The following DYDC1 variants were observed in gnomAD, a reference collection of about 807,000 sequenced individuals.
DYDC1 encodes the protein DPY30 domain-containing protein 1.
DYDC1 carries 21 observed loss-of-function variants against 27.9 expected under a neutral mutation model. The observed-to-expected ratio is 0.75, with a 90% CI of 0.53 to 1.08. The LOEUF (loss-of-function observed/expected upper bound fraction) is 1.08. Among genes scored for constraint, DYDC1 ranks in the 50% least tolerant of loss-of-function variants. The pLI is 0.00. For synonymous variants in DYDC1, 67 were observed against 65.8 expected, an observed-to-expected ratio of 1.02 and a Z score of -0.09; for missense variants, 202 against 205.9, an observed-to-expected ratio of 0.98 and a Z score of 0.12.
intron 3 of DYDC1, 147 bp from the exon 4 acceptor site, chr10:80,342,508 T>A (rs1842369106): frequency 1.6e-6 from 1 of 644,194 alleles, no homozygotes; most frequent in Non-Finnish European, 2.4e-6. Flanking sequence ...AGCATAAAAT[T>A]TTTAAAAAAG....
At chr10:80,350,793 GCT>G (rs1189173340) in intron 3 of DYDC1, among the ~76,000 whole-genome samples, 1 of 152,100 alleles carries the variant, frequency 6.6e-6, no homozygotes, top group East Asian at 1.9e-4. Context: ...TAGCTTAGAA[GCT>G]CTCTATAAAT....
intron 1 of DYDC1, chr10:80,352,817 G>A: frequency 1.5e-5 from 7 of 466,168 alleles, no homozygotes; most frequent in Non-Finnish European, 2.4e-5. Flanking sequence ...AACTAACATG[G>A]TTTCAAAATC....
intron 6 of DYDC1, chr10:80,337,063 C>G (rs1277513652): frequency 1.1e-6 from 1 of 946,722 alleles, no homozygotes; most frequent in African/African-American, 1.8e-5. Context: ...CTTAAAATCA[C>G]ACCATTTTCC....
intron 4 of DYDC1, 125 bp downstream of exon 4, chr10:80,342,144 C>G: frequency 1.2e-6 from 1 of 841,578 alleles, no homozygotes; most frequent in South Asian, 1.7e-5. Context: ...TTAGCTTACA[C>G]AGCTAGTATG....
chr10:80,342,655 T>C (rs1014988203), intron 3 of DYDC1, among the ~76,000 whole-genome samples: 1 of 152,166 alleles, frequency 6.6e-6, no homozygotes, highest in Non-Finnish European at 1.5e-5. Context: ...GGTCTTCAAA[T>C]AGCCACACAC....
chr10:80,336,984 C>T, intron 6 of DYDC1: 2 of 286,448 alleles, frequency 7.0e-6, no homozygotes, highest in Non-Finnish European at 1.0e-5. Context: ...ACTCCTACTG[C>T]ACTTAAGTCC....
chr10:80,336,060 G>T (rs1842124611), downstream of DYDC1: 2 of 773,758 alleles, frequency 2.6e-6, no homozygotes, highest in Admixed American at 2.6e-5. Flanking sequence ...AAAAAAAGGG[G>T]AGTTCAAGTT....
intron 4 of DYDC1, among the ~76,000 whole-genome samples, chr10:80,341,367 C>A (rs1398300428): frequency 3.6e-5 from 5 of 138,644 alleles, no homozygotes; most frequent in African/African-American, 1.1e-4. Flanking sequence ...TGCTTGAACC[C>A]GGGAGGTGGA....
chr10:80,345,634 T>C (rs1842569128), intron 3 of DYDC1, among the ~76,000 whole-genome samples: 1 of 152,204 alleles, frequency 6.6e-6, no homozygotes, highest in South Asian at 2.1e-4. Context: ...TCTCTCTTTT[T>C]ATGTATTCAA....
At chr10:80,336,964 C>T (rs1842151185) in intron 6 of DYDC1, among the ~76,000 whole-genome samples, 1 of 152,222 alleles carries the variant, frequency 6.6e-6, no homozygotes, top group Non-Finnish European at 1.5e-5. Flanking sequence ...ATCTTTAAGT[C>T]CTTTCAATAA....
At chr10:80,353,272 A>G (rs1349290979) in intron 1 of DYDC1, among the ~76,000 whole-genome samples, 1 of 151,776 alleles carries the variant, frequency 6.6e-6, no homozygotes, top group African/African-American at 2.4e-5. Flanking sequence ...TCCAGACATC[A>G]TCTCTCCTGG....
rs201318195 is a variant in DYDC1, at chr10:80,352,479, C to T, written c.123G>A (p.Lys41=). The T allele has an allele frequency of 6.2e-6, 10 of 1,609,330 alleles. No individual in the cohort carries two copies. Among genetic ancestry groups the T allele is most frequent in the African/African-American group, 1.3e-5 (1 of 74,834 alleles). Residue 41 remains lysine (K), a synonymous_variant, in exon 2 of 7, where the codon AAG becomes AAA. Transcript: ENST00000372202. ...EYLALWIYKY[K]ENVTMEQLRQ... is the part of the protein sequence containing the mutation. Reference sequence around the variant, plus strand: ...CCAGTTGTTCCATGGTCACATTTTCCTTATACTTGTAAATCCACAATGCTA... The same window carrying T: ...CCAGTTGTTCCATGGTCACATTTTCTTTATACTTGTAAATCCACAATGCTA...
intron 3 of DYDC1, among the ~76,000 whole-genome samples, chr10:80,344,242 A>T (rs1842480550): frequency 6.6e-6 from 1 of 152,236 alleles, no homozygotes; most frequent in Non-Finnish European, 1.5e-5. Flanking sequence ...GCAAGGAAAG[A>T]TATTTACCAA....
chr10:80,348,696 C>G (rs1221521523), intron 3 of DYDC1, among the ~76,000 whole-genome samples: 1 of 152,144 alleles, frequency 6.6e-6, no homozygotes, highest in Admixed American at 6.5e-5. Flanking sequence ...TTGGAAGTGG[C>G]TATTCTACAA....
chr10:80,343,213 G>A (rs1022883598), intron 3 of DYDC1, among the ~76,000 whole-genome samples: 9 of 152,160 alleles, frequency 5.9e-5, no homozygotes, highest in African/African-American at 2.2e-4. Flanking sequence ...TCATGACATA[G>A]GAAAACGGTA....
At chr10:80,342,237 A>G (rs1463828789) in intron 4 of DYDC1, 32 bp downstream of exon 4, 2 of 1,596,290 alleles carry the variant, frequency 1.3e-6, no homozygotes, top group Non-Finnish European at 1.7e-6. Context: ...AGAGTTTTAA[A>G]TAAAACTGAC....
At chr10:80,339,803 T>C (rs1842259485) in intron 4 of DYDC1, among the ~76,000 whole-genome samples, 1 of 152,186 alleles carries the variant, frequency 6.6e-6, no homozygotes, top group African/African-American at 2.4e-5. Context: ...TTCTTGATCA[T>C]ACATATGGTC....
rs776116727 is a variant in DYDC1, at chr10:80,342,346, G to C, written c.265C>G (p.Gln89Glu). The C allele has an allele frequency of 2.5e-6, 4 of 1,613,440 alleles. No individual in the cohort carries two copies. The highest frequency in any genetic ancestry group is 3.4e-6 in the Non-Finnish European group (4 of 1,179,882). The change falls in exon 4 of 7, where the codon CAG becomes GAG. Residue 89 changes from glutamine (Q) to glutamate (E), a missense_variant. Transcript: ENST00000372202. Reference protein sequence around the residue: ...LLLQQQQLALQLELEMQEKER... With the variant: ...LLLQQQQLALELELEMQEKER... ...TTTTCTTGCATTTCCAACTCTAGCT[G>C]CAATGCCAGCTGTTGCTGAATATTC...
chr10:80,339,021 A>T (rs996123234), intron 5 of DYDC1, 76 bp downstream of exon 5: 1 of 762,636 alleles, frequency 1.3e-6, no homozygotes, highest in Admixed American at 3.5e-5. Context: ...TTAGCTACTT[A>T]TGCATCAAAA....
Sources: gnomAD v4.1 joint callset for allele counts (sites outside exome capture counted in the v4.1 genomes callset) on GRCh38, gnomAD v4.1.1 for gene constraint, MANE v1.5 for transcripts, NCBI Gene and HGNC (gene_info 2026-07-23, HGNC 2026-07-21) for gene names.